The following SPAG16 variants were observed in gnomAD, a reference collection of about 807,000 sequenced individuals.
The protein encoded by SPAG16 is sperm associated antigen 16, also known as sperm-associated antigen 16 protein.
SPAG16 carries 86 observed loss-of-function variants against 80.4 expected under a neutral mutation model. That is an observed-to-expected ratio of 1.07 (90% CI 0.90 to 1.28). SPAG16 has a LOEUF of 1.28. Ranked by LOEUF, SPAG16 falls within the 50% of genes most tolerant of loss-of-function variation. The probability of loss-of-function intolerance (pLI) is 0.00; values close to 1 mark genes in which losing one functional copy is unlikely to be tolerated. For missense variants in SPAG16, 870 were observed against 765.3 expected, an observed-to-expected ratio of 1.14 and a Z score of -1.61; for synonymous variants, 294 against 265.9, an observed-to-expected ratio of 1.11 and a Z score of -1.03.
intron 12 of SPAG16, among the ~76,000 whole-genome samples, chr2:213,957,779 T>C (rs1376409461): frequency 2.0e-5 from 3 of 152,208 alleles, no homozygotes; most frequent in African/African-American, 7.2e-5. Flanking sequence ...GTGGTTACCA[T>C]AGAGATTACA....
chr2:214,027,694 A>G (rs997258314), intron 13 of SPAG16, among the ~76,000 whole-genome samples: 33 of 152,008 alleles, frequency 2.2e-4, no homozygotes, highest in African/African-American at 6.7e-4. Flanking sequence ...CTGTTTTAGT[A>G]TATAAGTTTT....
At chr2:213,422,205 G>T in intron 9 of SPAG16, 1 of 701,446 alleles carries the variant, frequency 1.4e-6, no homozygotes, top group East Asian at 2.7e-5. Context: ...ACGAGCCAGT[G>T]CTGTGACACC....
intron 9 of SPAG16, among the ~76,000 whole-genome samples, chr2:213,467,048 C>T (rs907985018): frequency 6.6e-6 from 1 of 152,200 alleles, no homozygotes; most frequent in Non-Finnish European, 1.5e-5. Flanking sequence ...TATATCGGAA[C>T]CACAGCCTCA....
At chr2:214,169,025 T>A (rs2056776414) in intron 15 of SPAG16, among the ~76,000 whole-genome samples, 1 of 152,168 alleles carries the variant, frequency 6.6e-6, no homozygotes, top group Admixed American at 6.6e-5. Flanking sequence ...TATGATTGTG[T>A]ATGATATATC....
chr2:213,930,263 G>A (rs770003594), intron 12 of SPAG16, 118 bp downstream of exon 12: 6 of 670,844 alleles, frequency 8.9e-6, no homozygotes, highest in Non-Finnish European at 1.4e-5. Flanking sequence ...AAAAGAAACT[G>A]TTAGTTGATA....
At chr2:213,774,054 G>A (rs916002897) in intron 10 of SPAG16, among the ~76,000 whole-genome samples, 8 of 151,624 alleles carry the variant, frequency 5.3e-5, no homozygotes, top group South Asian at 2.1e-4. Context: ...ATTTTTTACC[G>A]CAATGTGTGG....
At chr2:214,386,045 C>T (rs1277925595) in intron 15 of SPAG16, among the ~76,000 whole-genome samples, 4 of 152,126 alleles carry the variant, frequency 2.6e-5, no homozygotes, top group African/African-American at 9.6e-5. Context: ...ATATTATCTG[C>T]CTTTTATAAT....
At chr2:214,163,278 C>T (rs1041910514) in intron 15 of SPAG16, among the ~76,000 whole-genome samples, 4 of 151,796 alleles carry the variant, frequency 2.6e-5, no homozygotes, top group African/African-American at 9.7e-5. Flanking sequence ...GTTGGCAAAC[C>T]TTTTTATGTC....
At position 213,756,607 on chromosome 2, in the gene SPAG16, A is replaced by G. The variant is rs915830434; in HGVS notation, c.1071-105878A>G. 3.3e-5 allele frequency among the ~76,000 whole-genome samples: 5 copies of G among 152,244 alleles called. No individual in the cohort carries two copies. In the East Asian group the frequency reaches 9.6e-4, roughly 29 times the overall value. On this transcript the variant is annotated intron_variant, in intron 10 of 15. Coordinates refer to ENST00000331683, the MANE Select transcript of SPAG16 (RefSeq NM_024532.5). ...ACTTTTGCTTGTCTATAGCCACTGC[A>G]TTACAAAGATGCAAATACCAGACTT...
At chr2:213,671,819 G>A (rs1162819845) in intron 10 of SPAG16, among the ~76,000 whole-genome samples, 1 of 152,166 alleles carries the variant, frequency 6.6e-6, no homozygotes, top group Non-Finnish European at 1.5e-5. Context: ...GAAGAAGACA[G>A]TTTGATGTCA....
At chr2:213,385,822 G>A (rs1356141654) in intron 9 of SPAG16, among the ~76,000 whole-genome samples, 1 of 135,322 alleles carries the variant, frequency 7.4e-6, no homozygotes, top group African/African-American at 2.7e-5. Context: ...ACACACGTAT[G>A]ACTTCTTGTA....
At chr2:213,458,939 T>G (rs551598924) in intron 9 of SPAG16, among the ~76,000 whole-genome samples, 4 of 152,344 alleles carry the variant, frequency 2.6e-5, no homozygotes, top group South Asian at 4.1e-4. Context: ...TTTTTTGAAT[T>G]TATGTGTTGA....
At chr2:213,508,950 C>T (rs1316384457) in intron 10 of SPAG16, among the ~76,000 whole-genome samples, 2 of 151,432 alleles carry the variant, frequency 1.3e-5, no homozygotes, top group Non-Finnish European at 2.9e-5. Flanking sequence ...CCTTTAACTC[C>T]TTTTACTGAC....
chr2:213,958,761 C>G (rs993980175), intron 12 of SPAG16, among the ~76,000 whole-genome samples: 21 of 151,938 alleles, frequency 1.4e-4, no homozygotes, highest in African/African-American at 5.1e-4. Context: ...GTGTTAGTAT[C>G]TTAAATTATG....
At chr2:214,294,197 A>T (rs1576702238) in intron 15 of SPAG16, among the ~76,000 whole-genome samples, 2 of 152,142 alleles carry the variant, frequency 1.3e-5, no homozygotes, top group African/African-American at 4.8e-5. Flanking sequence ...TCCCTATGTT[A>T]GTTTCTAGGC....
intron 10 of SPAG16, among the ~76,000 whole-genome samples, chr2:213,610,867 TTA>T: frequency 6.6e-6 from 1 of 152,364 alleles, no homozygotes; most frequent in South Asian, 2.1e-4. Flanking sequence ...ATCAATATTA[TTA>T]TCTTTAAAGT....
chr2:213,932,591 C>T (rs2078814088), intron 12 of SPAG16, among the ~76,000 whole-genome samples: 1 of 152,140 alleles, frequency 6.6e-6, no homozygotes, highest in Non-Finnish European at 1.5e-5. Context: ...ACATTCTTCT[C>T]TTTTCACACC....
chr2:214,023,263 T>A (rs975044934), intron 13 of SPAG16, among the ~76,000 whole-genome samples: 5 of 151,838 alleles, frequency 3.3e-5, no homozygotes, highest in African/African-American at 1.2e-4. Flanking sequence ...TTAAGATGGA[T>A]GTTATGGTTT....
chr2:213,909,057 A>C (rs920446808), intron 11 of SPAG16, among the ~76,000 whole-genome samples: 1 of 152,102 alleles, frequency 6.6e-6, no homozygotes, highest in Non-Finnish European at 1.5e-5. Flanking sequence ...ATGTACAAAA[A>C]TCACAAGCAT....
Sources: allele counts gnomAD v4.1 joint callset (sites outside exome capture counted in the v4.1 genomes callset), GRCh38; gene constraint gnomAD v4.1.1; transcripts MANE v1.5; gene names NCBI Gene and HGNC (gene_info 2026-07-23, HGNC 2026-07-21).